The following FZD3 variants were observed in gnomAD, a reference collection of about 807,000 sequenced individuals.
FZD3 encodes the protein frizzled class receptor 3, also known as frizzled-3.
Under a neutral mutation model 60.7 loss-of-function variants are expected in FZD3, and 30 were observed. The ratio of observed to expected loss-of-function variants is 0.49; its 90% CI spans 0.37 to 0.67. FZD3 has a LOEUF of 0.67. Among genes scored for constraint, FZD3 ranks in the 30% least tolerant of loss-of-function variants. FZD3 has a pLI of 0.00. For missense variants in FZD3, 605 were observed against 838.7 expected (o/e 0.72, Z 3.44); for synonymous variants, 246 against 275.2 (o/e 0.89, Z 1.05).
At chr8:28,505,781 A>G (rs2130288247) in intron 3 of FZD3, among the ~76,000 whole-genome samples, 1 of 152,312 alleles carries the variant, frequency 6.6e-6, no homozygotes, top group East Asian at 1.9e-4. Context: ...TTTATTCACA[A>G]TCAACAAGTT....
Position 28,527,475 on chromosome 8 carries a change from A to T in FZD3, c.715A>T (p.Ile239Leu), listed in dbSNP as rs763613499. 6.2e-7 allele frequency: 1 copy of T among 1,613,498 alleles called. No individual in the cohort carries two copies. The highest frequency in any genetic ancestry group is 1.7e-5 in the Admixed American group (1 of 59,988). ...TRFRYPERPI[I>L]FYAVCYMMVS... is the part of the protein sequence containing the mutation. ...ATTCCGTTATCCTGAAAGGCCTATT[A>T]TATTTTATGCAGTCTGCTACATGAT... Residue 239 changes from isoleucine to leucine, a missense_variant, in exon 5 of 8, where the codon ATA becomes TTA. Physicochemically the swap from Ile to Leu is conservative, Grantham distance 5. Transcript: ENST00000240093. The surrounding 1 kb of genome is among the most constrained non-coding windows in gnomAD (Gnocchi z 5.0).
intron 5 of FZD3, among the ~76,000 whole-genome samples, chr8:28,544,334 G>T (rs1458116744): frequency 6.6e-6 from 1 of 152,164 alleles, no homozygotes; most frequent in Non-Finnish European, 1.5e-5. Context: ...ATGTGTTTGT[G>T]TATGCAGAAT....
chr8:28,506,858 C>T (rs772836037), intron 3 of FZD3, among the ~76,000 whole-genome samples: 1 of 152,078 alleles, frequency 6.6e-6, no homozygotes. Flanking sequence ...TACTAAAAAA[C>T]TTTATTATGG....
chr8:28,522,813 C>G (rs1325069273), intron 4 of FZD3, among the ~76,000 whole-genome samples: 1 of 141,966 alleles, frequency 7.0e-6, no homozygotes, highest in Non-Finnish European at 1.5e-5. Flanking sequence ...CTCTGTCACC[C>G]AGGCTGGAGT....
Position 28,527,256 on chromosome 8 carries a change from C to A in FZD3, c.496C>A (p.Pro166Thr). The change falls in exon 5 of 8, where the codon CCC becomes ACC. Residue 166 changes from proline to threonine, a missense_variant. Coordinates refer to ENST00000240093, the MANE Select transcript of FZD3 (RefSeq NM_017412.4). The surrounding 1 kb of genome is among the most constrained non-coding windows in gnomAD (Gnocchi z 5.0). The stretch of plus-strand genomic sequence containing the variant: ...GCAGAGAGACTATGGTTTTTGGTGT[C>A]CCCGAGAGTTAAAAATTGATCCTGA... ...AVQRDYGFWC[P>T]RELKIDPDLG... 1 of 1,613,912 alleles carries A rather than the reference C, an allele frequency of 6.2e-7. No homozygotes were observed. Among genetic ancestry groups the A allele is most frequent in the Non-Finnish European group, 8.5e-7 (1 of 1,179,842 alleles).
intron 1 of FZD3, among the ~76,000 whole-genome samples, chr8:28,498,604 A>G (rs1001715036): frequency 6.6e-6 from 1 of 152,190 alleles, no homozygotes; most frequent in Non-Finnish European, 1.5e-5. Flanking sequence ...TTTTTGAGAC[A>G]GTCTCACTCT....
At chr8:28,544,403 T>C (rs1312771345) in intron 5 of FZD3, among the ~76,000 whole-genome samples, 1 of 152,164 alleles carries the variant, frequency 6.6e-6, no homozygotes, top group Non-Finnish European at 1.5e-5. Flanking sequence ...TAGTTGATCA[T>C]TGATTTATTT....
rs76668094 is a variant in FZD3, at chr8:28,565,539, T to C, written c.*2528T>C. 6.6e-6 allele frequency: 1 copy of C among 152,330 alleles called. No homozygotes were observed. The highest frequency in any genetic ancestry group is 1.9e-4 in the East Asian group (1 of 5,190). 9.4% of individuals were successfully genotyped at this position (152,330 alleles called of 1,614,324 possible). A position where few individuals can be genotyped will look rare whatever the true frequency, so the allele number is the denominator to read the frequency against. On this transcript the variant is annotated 3_prime_UTR_variant, in exon 8 of 8. Coordinates refer to ENST00000240093, the MANE Select transcript of FZD3 (RefSeq NM_017412.4). ...ATTATATTATCAACTGCCAAAATGT[T>C]AATTGGTTTTCTTTTACAAGTGGGC...
intron 2 of FZD3, among the ~76,000 whole-genome samples, 200 bp from the exon 3 acceptor site, chr8:28,502,470 T>G (rs1804021648): frequency 6.6e-6 from 1 of 152,192 alleles, no homozygotes; most frequent in African/African-American, 2.4e-5. Flanking sequence ...AATTTGCATT[T>G]AAATGCTGTT....
intron 3 of FZD3, among the ~76,000 whole-genome samples, chr8:28,508,572 C>T (rs2130301659): frequency 6.6e-6 from 1 of 152,134 alleles, no homozygotes; most frequent in South Asian, 2.1e-4. Flanking sequence ...ACGATCACAG[C>T]TCACTGCAGT....
chr8:28,559,743 A>T (rs1444137105), intron 7 of FZD3, among the ~76,000 whole-genome samples: 1 of 152,216 alleles, frequency 6.6e-6, no homozygotes, highest in Non-Finnish European at 1.5e-5. Context: ...AAGCCATCTC[A>T]TGGAGATTTC....
chr8:28,514,295 T>C (rs1804365798), intron 3 of FZD3, among the ~76,000 whole-genome samples: 1 of 143,926 alleles, frequency 6.9e-6, no homozygotes, highest in Non-Finnish European at 1.5e-5. Context: ...TTGATTTTGC[T>C]GAGGTCAAAA....
chr8:28,555,026 A>G (rs1339600403), intron 6 of FZD3, among the ~76,000 whole-genome samples: 3 of 152,160 alleles, frequency 2.0e-5, no homozygotes, highest in Non-Finnish European at 2.9e-5. Context: ...CCATCTGTCT[A>G]CTTAGTCCTT....
intron 4 of FZD3, among the ~76,000 whole-genome samples, chr8:28,521,345 TAGAC>T (rs1239520657): frequency 9.9e-5 from 15 of 152,126 alleles, no homozygotes; most frequent in Non-Finnish European, 1.6e-4. Flanking sequence ...GAGGATTTAT[TAGAC>T]ATTCTTAAAG....
At chr8:28,512,717 C>T (rs573369556) in intron 3 of FZD3, among the ~76,000 whole-genome samples, 4 of 151,606 alleles carry the variant, frequency 2.6e-5, no homozygotes, top group South Asian at 2.1e-4. Context: ...TGGTAAATAC[C>T]GCAAAAAAGC....
intron 5 of FZD3, among the ~76,000 whole-genome samples, chr8:28,543,628 G>A (rs1008466941): frequency 3.3e-5 from 5 of 151,736 alleles, no homozygotes; most frequent in African/African-American, 9.7e-5. Flanking sequence ...TGATGTGCTC[G>A]CCTTGGCCTC....
rs1014172308 is a variant in FZD3, at chr8:28,564,676, T to C, written c.*1665T>C. 1.3e-5 allele frequency: 2 copies of C among 152,174 alleles called. No individual in the cohort carries two copies. Among genetic ancestry groups the C allele is most frequent in the African/African-American group, 4.8e-5 (2 of 41,450 alleles). The allele number at this position is 152,174 out of a possible 1,614,324, so 9.4% of individuals were successfully genotyped here. A position where few individuals can be genotyped will look rare whatever the true frequency, so the allele number is the denominator to read the frequency against. On this transcript the variant is annotated 3_prime_UTR_variant, in exon 8 of 8. Transcript: ENST00000240093. ...GACTTACTCAGTAAGGCCAAAGTGATAGGACTTTAAAATCTGTAGTTATAA... is the reference window on the plus strand; with the variant it reads ...GACTTACTCAGTAAGGCCAAAGTGACAGGACTTTAAAATCTGTAGTTATAA...
intron 5 of FZD3, among the ~76,000 whole-genome samples, chr8:28,542,211 T>C (rs1476315509): frequency 2.0e-5 from 3 of 152,044 alleles, no homozygotes; most frequent in African/African-American, 7.2e-5. Flanking sequence ...TTAGCCTTGC[T>C]GGCCTCTTTG....
intron 7 of FZD3, among the ~76,000 whole-genome samples, chr8:28,558,436 ATTT>A (rs34004990): frequency 6.8e-6 from 1 of 147,450 alleles, no homozygotes. Context: ...TTATTTATTT[ATTT>A]TTTTTTTTTG....
Sources: allele counts gnomAD v4.1 joint callset (sites outside exome capture counted in the v4.1 genomes callset), GRCh38; gene constraint gnomAD v4.1.1; non-coding constraint Gnocchi (gnomAD v3.1); transcripts MANE v1.5; gene names NCBI Gene and HGNC (gene_info 2026-07-23, HGNC 2026-07-21).